The following TXNDC12 variants were observed in gnomAD, a reference collection of about 807,000 sequenced individuals.
TXNDC12 encodes thioredoxin domain containing 12.
TXNDC12 carries 22 observed loss-of-function variants against 24.2 expected under a neutral mutation model. The ratio of observed to expected loss-of-function variants is 0.91; its 90% CI spans 0.65 to 1.30. The LOEUF is 1.30. Among genes scored for constraint, TXNDC12 ranks in the 50% most tolerant of loss-of-function variants. TXNDC12 has a pLI of 0.00. For synonymous variants in TXNDC12, 58 were observed against 73.4 expected (o/e 0.79, Z 1.07); for missense variants, 184 against 205.8 (o/e 0.89, Z 0.65).
At chr1:52,049,545 C>T (rs902569355) in intron 1 of TXNDC12, among the ~76,000 whole-genome samples, 1 of 152,192 alleles carries the variant, frequency 6.6e-6, no homozygotes, top group Non-Finnish European at 1.5e-5. Flanking sequence ...GAGATTGCGT[C>T]ACTGCACTCC....
At chr1:52,032,429 A>T in intron 2 of TXNDC12, 4 of 1,215,506 alleles carry the variant, frequency 3.3e-6, no homozygotes, top group Non-Finnish European at 4.1e-6. Flanking sequence ...GTAGGATCCA[A>T]TCTAGGTAAT....
intron 1 of TXNDC12, among the ~76,000 whole-genome samples, chr1:52,048,429 G>A (rs138242613): frequency 6.7e-6 from 1 of 150,074 alleles, no homozygotes; most frequent in Non-Finnish European, 1.5e-5. Flanking sequence ...TGGCACCACT[G>A]CACTCTAGCT....
At chr1:52,028,262 T>A (rs982673556) in intron 3 of TXNDC12, among the ~76,000 whole-genome samples, 2 of 152,002 alleles carry the variant, frequency 1.3e-5, no homozygotes, top group Non-Finnish European at 2.9e-5. Flanking sequence ...ATAACTTGGG[T>A]TCTAATTTGG....
intron 2 of TXNDC12, chr1:52,033,604 G>A (rs1256883097): frequency 6.2e-7 from 1 of 1,612,902 alleles, no homozygotes; most frequent in Non-Finnish European, 8.5e-7. Flanking sequence ...CTTCTCACGG[G>A]CAGAATCGCC....
chr1:52,039,573 C>T (rs1192428960), intron 2 of TXNDC12, among the ~76,000 whole-genome samples: 1 of 152,150 alleles, frequency 6.6e-6, no homozygotes, highest in Admixed American at 6.5e-5. Flanking sequence ...TCAAGTGATC[C>T]ACCCACCTCG....
chr1:52,023,242 C>A, intron 6 of TXNDC12: 1 of 373,820 alleles, frequency 2.7e-6, no homozygotes, highest in Non-Finnish European at 4.9e-6. Flanking sequence ...AAACTATGGG[C>A]AAGTGACTAC....
At chr1:52,048,318 T>G (rs984789133) in intron 1 of TXNDC12, among the ~76,000 whole-genome samples, 1 of 151,952 alleles carries the variant, frequency 6.6e-6, no homozygotes, top group African/African-American at 2.4e-5. Context: ...ATTTAAAAAT[T>G]AGCTGGATGC....
At chr1:52,033,449 C>G (rs1383553499) in intron 2 of TXNDC12, 2 of 1,613,074 alleles carry the variant, frequency 1.2e-6, no homozygotes, top group Admixed American at 3.3e-5. Context: ...ACGCAGTAGA[C>G]CAGGCAGAGC....
rs142916483 is a variant in TXNDC12, at chr1:52,037,312, A to C, written c.158+4225T>G. 4.6e-3 allele frequency among the ~76,000 whole-genome samples: 687 copies of C among 150,874 alleles called. 8 individuals carry two copies. Among genetic ancestry groups the C allele is most frequent in the African/African-American group, 0.016 (637 of 40,942 alleles). Reference sequence around the variant, plus strand: ...ACTGCAACCTCCACCTCCCAGGTTCAAGCAATTCTCCTGCCTCAGCCTCCT... The same window carrying C: ...ACTGCAACCTCCACCTCCCAGGTTCCAGCAATTCTCCTGCCTCAGCCTCCT... On this transcript the variant is annotated intron_variant, in intron 2 of 6. Coordinates refer to ENST00000371626, the MANE Select transcript of TXNDC12 (RefSeq NM_015913.4).
rs1685817293 is a variant in TXNDC12, at chr1:52,033,431, C to T, written c.159-4801G>A. On this transcript the variant is annotated intron_variant, in intron 2 of 6. Transcript: ENST00000371626. The stretch of plus-strand genomic sequence containing the variant: ...ACCTGAGGTCCCGCGATCGGGCCGC[C>T]GGGCCGTACGCAGTAGACCAGGCAG... The T allele has an allele frequency of 4.3e-6, 7 of 1,612,270 alleles. No individual in the cohort carries two copies. The South Asian group carries it at 5.5e-5, about 13-fold the overall frequency.
intron 2 of TXNDC12, among the ~76,000 whole-genome samples, chr1:52,031,531 T>G (rs1398427708): frequency 6.9e-6 from 1 of 145,236 alleles, no homozygotes; most frequent in African/African-American, 2.6e-5. Flanking sequence ...GTTTCACTGC[T>G]GCCCAGGCTG....
At chr1:52,023,372 T>C (rs1685628583) in intron 6 of TXNDC12, 119 bp downstream of exon 6, 1 of 765,586 alleles carries the variant, frequency 1.3e-6, no homozygotes, top group African/African-American at 1.7e-5. Context: ...CCAAAAGCTA[T>C]AGACATGCAG....
intron 1 of TXNDC12, among the ~76,000 whole-genome samples, chr1:52,045,840 C>T (rs1686081092): frequency 6.6e-6 from 1 of 151,862 alleles, no homozygotes; most frequent in Admixed American, 6.6e-5. Context: ...CCCTCACAGC[C>T]CTCAGAAAAA....
At chr1:52,044,072 CTA>C (rs1247186915) in intron 1 of TXNDC12, 1 of 152,196 alleles carries the variant, frequency 6.6e-6, no homozygotes, top group African/African-American at 2.4e-5. Context: ...CACCATCACT[CTA>C]TTGGTCAATA....
chr1:52,047,562 G>T (rs564041936), intron 1 of TXNDC12, among the ~76,000 whole-genome samples: 2 of 152,260 alleles, frequency 1.3e-5, no homozygotes, highest in African/African-American at 4.8e-5. Context: ...TGTAAATATT[G>T]TCTGTATAGC....
intron 3 of TXNDC12, among the ~76,000 whole-genome samples, chr1:52,027,754 T>C (rs1007512013): frequency 6.7e-6 from 1 of 149,510 alleles, no homozygotes; most frequent in African/African-American, 2.4e-5. Context: ...TATACATATA[T>C]ACATATATAC....
chr1:52,041,041 G>GA lies in TXNDC12; in HGVS notation c.158+495dup, dbSNP rs1229827166. Among the ~76,000 whole-genome samples the GA allele has an allele frequency of 1.1e-3, 134 of 127,016 alleles. No individual in the cohort carries two copies. The East Asian group carries it at 0.023, about 22-fold the overall frequency. 83.3% of individuals were successfully genotyped at this position (127,016 alleles called of 152,430 possible). On this transcript the variant is annotated intron_variant, in intron 2 of 6. Transcript: ENST00000371626. ...CAAAGCAAGACTCTGTCTCAAAAAA[G>GA]AAAAAAAAAGGCCGGGCGCGGTGGC...
intron 5 of TXNDC12, 85 bp downstream of exon 5, chr1:52,024,425 A>G: frequency 9.7e-7 from 1 of 1,035,904 alleles, no homozygotes; most frequent in East Asian, 2.5e-5. Context: ...ATCCTGGTAT[A>G]GTTTCACTAG....
At chr1:52,028,264 C>T (rs1340386438) in intron 3 of TXNDC12, among the ~76,000 whole-genome samples, 5 of 152,100 alleles carry the variant, frequency 3.3e-5, no homozygotes, top group Non-Finnish European at 5.9e-5. Flanking sequence ...AACTTGGGTT[C>T]TAATTTGGGT....
Sources: allele counts gnomAD v4.1 joint callset (sites outside exome capture counted in the v4.1 genomes callset), GRCh38; gene constraint gnomAD v4.1.1; transcripts MANE v1.5; gene names NCBI Gene and HGNC (gene_info 2026-07-23, HGNC 2026-07-21).